ANAPC10: variants seen among roughly 807,000 people sequenced by gnomAD.
The protein encoded by ANAPC10 is anaphase-promoting complex subunit 10.
A neutral mutation model predicts 22.0 loss-of-function variants in ANAPC10; 12 were observed. The ratio of observed to expected loss-of-function variants is 0.55; its 90% CI spans 0.35 to 0.88. The LOEUF is 0.88. ANAPC10 is among the 40% of genes least tolerant of loss of function. The pLI is 0.01. For synonymous variants in ANAPC10, 65 were observed against 69.5 expected (o/e 0.94, Z 0.32); for missense variants, 188 against 220.9 (o/e 0.85, Z 0.94).
At chr4:145,053,649 C>T (rs964695147) in intron 4 of ANAPC10, 7 of 471,614 alleles carry the variant, frequency 1.5e-5, no homozygotes, top group East Asian at 6.6e-5. Flanking sequence ...CTCTTAATTC[C>T]TTTATGAAGG....
At chr4:145,071,453 A>G (rs1744477474) in intron 3 of ANAPC10, among the ~76,000 whole-genome samples, 1 of 152,140 alleles carries the variant, frequency 6.6e-6, no homozygotes, top group African/African-American at 2.4e-5. Flanking sequence ...ACTTATATTT[A>G]TATTTCACTA....
chr4:145,001,982 T>C (rs1037079992), intron 4 of ANAPC10, among the ~76,000 whole-genome samples: 2 of 152,304 alleles, frequency 1.3e-5, no homozygotes, highest in South Asian at 2.1e-4. Context: ...ACTGTTTACA[T>C]GTCTTCCTAC....
At chr4:145,031,559 C>G (rs906819061) in intron 4 of ANAPC10, among the ~76,000 whole-genome samples, 20 of 152,202 alleles carry the variant, frequency 1.3e-4, no homozygotes, top group African/African-American at 4.8e-4. Flanking sequence ...TATCGAGTGA[C>G]CTGAAAGGCT....
At chr4:145,047,775 A>G (rs1321421803) in intron 4 of ANAPC10, among the ~76,000 whole-genome samples, 1 of 152,176 alleles carries the variant, frequency 6.6e-6, no homozygotes, top group Non-Finnish European at 1.5e-5. Context: ...TTGTTCAACT[A>G]GATTTTACAA....
chr4:145,036,864 T>C (rs1342657863), intron 4 of ANAPC10, among the ~76,000 whole-genome samples: 1 of 152,138 alleles, frequency 6.6e-6, no homozygotes, highest in Non-Finnish European at 1.5e-5. Context: ...TTCACAGTGG[T>C]AAAACTATAA....
intron 4 of ANAPC10, among the ~76,000 whole-genome samples, chr4:144,996,123 T>G (rs1423463892): frequency 6.6e-6 from 1 of 152,146 alleles, no homozygotes; most frequent in African/African-American, 2.4e-5. Context: ...GGCAGGGAAC[T>G]CACTCACAGC....
At chr4:145,095,891 T>C in intron 2 of ANAPC10, 94 bp downstream of exon 2, 1 of 1,542,540 alleles carries the variant, frequency 6.5e-7, no homozygotes, top group Non-Finnish European at 9.0e-7. Flanking sequence ...CCACTGGGAG[T>C]CCTGGAATGT....
At position 145,033,848 on chromosome 4, in the gene ANAPC10, C is replaced by T. The variant is rs928780300; in HGVS notation, c.327+30724G>A. Among the ~76,000 whole-genome samples the T allele has an allele frequency of 3.9e-5, 6 of 152,192 alleles. No individual in the cohort carries two copies. The South Asian group carries it at 1.2e-3, about 31-fold the overall frequency. On this transcript the variant is annotated intron_variant, in intron 4 of 4. Coordinates refer to ENST00000507656, the MANE Select transcript of ANAPC10 (RefSeq NM_001256706.2). ...CTGTAACTGTCATGAGTTCCTTCTG[C>T]TTTTGTTAAAAACATGTTTATGCAT...
intron 4 of ANAPC10, among the ~76,000 whole-genome samples, chr4:145,026,528 C>A (rs927847212): frequency 6.6e-6 from 1 of 151,874 alleles, no homozygotes; most frequent in Non-Finnish European, 1.5e-5. Flanking sequence ...TGTGCAAAGA[C>A]TGGAAGGAGG....
chr4:145,081,454 C>A, intron 3 of ANAPC10: 2 of 414,020 alleles, frequency 4.8e-6, no homozygotes, highest in Non-Finnish European at 8.6e-6. Context: ...ATGCAACATA[C>A]CATAAGAAAA....
intron 3 of ANAPC10, among the ~76,000 whole-genome samples, chr4:145,069,893 T>C (rs577763804): frequency 4.6e-5 from 7 of 152,286 alleles, no homozygotes; most frequent in South Asian, 4.1e-4. Flanking sequence ...AATGACACTC[T>C]TCTCACTATT....
At chr4:145,091,885 CA>C (rs1322784018) in intron 2 of ANAPC10, among the ~76,000 whole-genome samples, 1 of 152,066 alleles carries the variant, frequency 6.6e-6, no homozygotes. Flanking sequence ...GGGACTTGGA[CA>C]AAAGACCACA....
intron 4 of ANAPC10, among the ~76,000 whole-genome samples, chr4:145,006,669 C>T (rs1412950677): frequency 1.3e-5 from 2 of 152,042 alleles, no homozygotes; most frequent in Non-Finnish European, 2.9e-5. Context: ...GTTATACTTT[C>T]CTCAGAAATT....
intron 2 of ANAPC10, among the ~76,000 whole-genome samples, chr4:145,094,514 GA>G (rs1344596469): frequency 6.6e-6 from 1 of 152,192 alleles, no homozygotes; most frequent in Non-Finnish European, 1.5e-5. Context: ...TAGAAAGACA[GA>G]GAAGGGAATC....
chr4:145,011,189 G>A (rs1223296628), intron 4 of ANAPC10, among the ~76,000 whole-genome samples: 1 of 151,722 alleles, frequency 6.6e-6, no homozygotes, highest in African/African-American at 2.4e-5. Flanking sequence ...AAAATTAGCT[G>A]GGCTTGGTGG....
intron 4 of ANAPC10, among the ~76,000 whole-genome samples, chr4:145,049,350 C>G (rs997052668): frequency 1.3e-5 from 2 of 152,174 alleles, no homozygotes; most frequent in Non-Finnish European, 2.9e-5. Flanking sequence ...GCATGCAATG[C>G]CACTTAATAG....
At chr4:145,017,705 G>A (rs1735390563) in intron 4 of ANAPC10, among the ~76,000 whole-genome samples, 1 of 152,052 alleles carries the variant, frequency 6.6e-6, no homozygotes, top group Non-Finnish European at 1.5e-5. Context: ...CAATAGCAAA[G>A]ACTTGGAACC....
chr4:145,010,031 T>TG (rs1734048321), intron 4 of ANAPC10, among the ~76,000 whole-genome samples: 1 of 152,150 alleles, frequency 6.6e-6, no homozygotes, highest in African/African-American at 2.4e-5. Context: ...CAGACACTTC[T>TG]CAAAAGAAGA....
At position 144,994,858 on chromosome 4, in the gene ANAPC10, C is replaced by T. The variant is rs1189123313; in HGVS notation, c.*515G>A. The T allele has an allele frequency of 6.5e-6, 1 of 153,142 alleles. No homozygotes were observed. Among genetic ancestry groups the T allele is most frequent in the African/African-American group, 2.4e-5 (1 of 41,430 alleles). 9.5% of individuals were successfully genotyped at this position (153,142 alleles called of 1,614,324 possible). ...TATTAGATTGGTTCTCATCAGACAA[C>T]CTAACACTAAGCTTATTTGACACTG... is the stretch of plus-strand genomic sequence containing the variant. On this transcript the variant is annotated 3_prime_UTR_variant, in exon 5 of 5. Transcript: ENST00000507656.
Sources: allele counts gnomAD v4.1 joint callset (sites outside exome capture counted in the v4.1 genomes callset), GRCh38; gene constraint gnomAD v4.1.1; transcripts MANE v1.5; gene names NCBI Gene and HGNC (gene_info 2026-07-23, HGNC 2026-07-21).